RAB1A: variants seen among roughly 807,000 people sequenced by gnomAD.
RAB1A encodes RAB1A, member RAS oncogene family.
RAB1A carries 2 observed loss-of-function variants against 26.0 expected under a neutral mutation model. The ratio of observed to expected loss-of-function variants is 0.08; its 90% CI spans 0.03 to 0.24. The LOEUF is 0.24. Among genes scored for constraint, RAB1A ranks in the 10% least tolerant of loss-of-function variants. The pLI is 1.00. For missense variants in RAB1A, 100 were observed against 247.0 expected (o/e 0.40, Z 3.99); for synonymous variants, 84 against 84.9 (o/e 0.99, Z 0.06).
At chr2:65,118,347 A>G (rs1669872015) in intron 1 of RAB1A, among the ~76,000 whole-genome samples, 2 of 152,120 alleles carry the variant, frequency 1.3e-5, no homozygotes, top group Non-Finnish European at 2.9e-5. Flanking sequence ...AACATGAGTC[A>G]TTTTCTTAAT....
intron 1 of RAB1A, among the ~76,000 whole-genome samples, chr2:65,113,777 T>C (rs1455652968): frequency 6.6e-6 from 1 of 152,218 alleles, no homozygotes; most frequent in African/African-American, 2.4e-5. Flanking sequence ...CTCATTTTTG[T>C]TTTTTAAAAA....
At chr2:65,097,231 C>T (rs935509402) in intron 3 of RAB1A, among the ~76,000 whole-genome samples, 2 of 152,044 alleles carry the variant, frequency 1.3e-5, no homozygotes, top group African/African-American at 4.8e-5. Flanking sequence ...TTTTAAAAGA[C>T]CACAGATATG....
intron 1 of RAB1A, among the ~76,000 whole-genome samples, chr2:65,123,775 G>A (rs1670028992): frequency 6.6e-6 from 1 of 151,562 alleles, no homozygotes; most frequent in Non-Finnish European, 1.5e-5. Flanking sequence ...GCAGTGAGCC[G>A]AGATCACGCC....
intron 5 of RAB1A, 57 bp downstream of exon 5, chr2:65,088,882 A>C: frequency 1.3e-6 from 2 of 1,522,960 alleles, no homozygotes; most frequent in Middle Eastern, 2.2e-4. Context: ...TTACTGCAGA[A>C]CCCATACATA....
At chr2:65,116,280 A>T (rs1023222504) in intron 1 of RAB1A, among the ~76,000 whole-genome samples, 4 of 152,200 alleles carry the variant, frequency 2.6e-5, no homozygotes, top group African/African-American at 9.6e-5. Flanking sequence ...GACAGTCTTT[A>T]ATATGCATAC....
intron 1 of RAB1A, among the ~76,000 whole-genome samples, chr2:65,111,288 G>A (rs60136636): frequency 0.62 from 93,324 of 151,568 alleles, 29,184 homozygotes; most frequent in East Asian, 0.66. Flanking sequence ...CTTGAACCCC[G>A]GAGGTGGAGG....
At chr2:65,091,949 C>T (rs1669181407) in intron 3 of RAB1A, among the ~76,000 whole-genome samples, 2 of 152,204 alleles carry the variant, frequency 1.3e-5, no homozygotes, top group African/African-American at 4.8e-5. Flanking sequence ...AAAACAAATG[C>T]TAACATTATT....
chr2:65,101,945 C>G (rs1206504484), intron 2 of RAB1A, among the ~76,000 whole-genome samples: 1 of 151,844 alleles, frequency 6.6e-6, no homozygotes, highest in African/African-American at 2.4e-5. Context: ...GACAGGGTTT[C>G]TCCATGTTGG....
chr2:65,094,258 C>G (rs1573065405), intron 3 of RAB1A, among the ~76,000 whole-genome samples: 1 of 152,192 alleles, frequency 6.6e-6, no homozygotes, highest in Non-Finnish European at 1.5e-5. Flanking sequence ...GGGTGAACAA[C>G]TGCACCTGGC....
intron 1 of RAB1A, among the ~76,000 whole-genome samples, chr2:65,127,204 A>G (rs1271546814): frequency 6.9e-6 from 1 of 143,998 alleles, no homozygotes; most frequent in East Asian, 2.0e-4. Context: ...CTTATTAATT[A>G]CTGTCCTTGT....
At chr2:65,129,536 C>T (rs923554200) in intron 1 of RAB1A, among the ~76,000 whole-genome samples, 11 of 152,260 alleles carry the variant, frequency 7.2e-5, no homozygotes, top group African/African-American at 2.6e-4. Flanking sequence ...CCACCCCATC[C>T]CCTCCCCTTA....
intron 1 of RAB1A, among the ~76,000 whole-genome samples, chr2:65,123,422 C>T (rs1670019883): frequency 6.6e-6 from 1 of 151,916 alleles, no homozygotes. Flanking sequence ...CCCACCTCGG[C>T]CTCCCAAAGT....
chr2:65,113,038 C>T (rs182542659), intron 1 of RAB1A, among the ~76,000 whole-genome samples: 1 of 152,058 alleles, frequency 6.6e-6, no homozygotes, highest in East Asian at 1.9e-4. Context: ...GAGAGAAGCC[C>T]CATCTCTTAA....
chr2:65,087,592 G>A lies in RAB1A; in HGVS notation c.*901C>T, dbSNP rs1488609328. 6.6e-6 allele frequency: 1 copy of A among 152,602 alleles called. No homozygotes were observed. The highest frequency in any genetic ancestry group is 2.4e-5 in the African/African-American group (1 of 41,472). The allele number at this position is 152,602 out of a possible 1,614,324, so 9.5% of individuals were successfully genotyped here. On this transcript the variant is annotated 3_prime_UTR_variant, in exon 6 of 6. Transcript: ENST00000409784. Reference sequence around the variant, plus strand: ...TTCAAATGGTTTTAGAGAAGGATCAGAGATAACGGGCTAGATAGCATACAT... The same window carrying A: ...TTCAAATGGTTTTAGAGAAGGATCAAAGATAACGGGCTAGATAGCATACAT...
chr2:65,126,833 TTTTC>T (rs1311095129), intron 1 of RAB1A, among the ~76,000 whole-genome samples: 1 of 152,212 alleles, frequency 6.6e-6, no homozygotes, highest in African/African-American at 2.4e-5. Context: ...ACTAAAGAAC[TTTTC>T]TTTCTTTCCT....
chr2:65,103,096 G>A (rs780275797), intron 2 of RAB1A, among the ~76,000 whole-genome samples: 13 of 151,744 alleles, frequency 8.6e-5, no homozygotes, highest in Admixed American at 3.9e-4. Flanking sequence ...CACATGCATC[G>A]CTTGAGCTCA....
chr2:65,103,300 A>C (rs866585245), intron 2 of RAB1A, among the ~76,000 whole-genome samples: 1 of 103,458 alleles, frequency 9.7e-6, no homozygotes, highest in African/African-American at 5.9e-5. Context: ...AATCTGTCTC[A>C]AAAAAAAAAA....
intron 1 of RAB1A, among the ~76,000 whole-genome samples, chr2:65,121,331 T>C (rs1292481915): frequency 1.3e-5 from 2 of 150,996 alleles, no homozygotes; most frequent in East Asian, 1.9e-4. Flanking sequence ...TCCAAAAGAA[T>C]GGTCCCTCTT....
At chr2:65,093,648 G>A (rs1044354275) in intron 3 of RAB1A, among the ~76,000 whole-genome samples, 43 of 149,612 alleles carry the variant, frequency 2.9e-4, no homozygotes, top group African/African-American at 1.1e-3. Flanking sequence ...TTTTCAGACG[G>A]AGTCTCGCTC....
Sources: allele counts gnomAD v4.1 joint callset (sites outside exome capture counted in the v4.1 genomes callset), GRCh38; gene constraint gnomAD v4.1.1; transcripts MANE v1.5; gene names NCBI Gene and HGNC (gene_info 2026-07-23, HGNC 2026-07-21).